The following MYDGF variants were observed in gnomAD, a reference collection of about 807,000 sequenced individuals.
MYDGF encodes the protein myeloid-derived growth factor.
MYDGF carries 29 observed loss-of-function variants against 24.2 expected under a neutral mutation model. The observed-to-expected ratio is 1.20, with a 90% CI of 0.89 to 1.63. The LOEUF (loss-of-function observed/expected upper bound fraction) is 1.63, where lower values mean the gene tolerates loss of function less well. MYDGF is among the 40% of genes most tolerant of loss of function. The pLI is 0.00. For missense variants in MYDGF, 245 were observed against 234.8 expected (o/e 1.04, Z -0.29); for synonymous variants, 105 against 102.5 (o/e 1.02, Z -0.15).
intron 3 of MYDGF, among the ~76,000 whole-genome samples, chr19:4,661,446 T>C (rs993721338): frequency 6.6e-6 from 1 of 152,158 alleles, no homozygotes; most frequent in African/African-American, 2.4e-5. Flanking sequence ...AGTAAAGGCT[T>C]CTCAGAGGGC....
rs764203687 is a variant in MYDGF, at chr19:4,659,927, G to C, written c.442+4C>G. ...ACCTCTACCCCATCCCCATCTTTCC[G>C]TACCTGCTGTTTTGGTCACTTCAAA... is the stretch of plus-strand genomic sequence containing the variant. On this transcript the variant is annotated splice_donor_region_variant and intron_variant, in intron 5 of 5. Coordinates refer to ENST00000262947, the MANE Select transcript of MYDGF (RefSeq NM_019107.4). 6.2e-7 allele frequency: 1 copy of C among 1,613,570 alleles called. No homozygotes were observed. The highest frequency in any genetic ancestry group is 8.5e-7 in the Non-Finnish European group (1 of 1,179,634).
At chr19:4,667,318 C>T (rs1228011902) in intron 2 of MYDGF, among the ~76,000 whole-genome samples, 3 of 152,026 alleles carry the variant, frequency 2.0e-5, no homozygotes, top group Admixed American at 1.3e-4. Context: ...TTAGTAGAGA[C>T]GGGGTTTCAC....
chr19:4,660,645 C>G, intron 4 of MYDGF, 24 bp downstream of exon 4: 1 of 1,605,986 alleles, frequency 6.2e-7, no homozygotes, highest in Non-Finnish European at 8.5e-7. Context: ...ACACCCGGAG[C>G]CTGCCCCACT....
intron 5 of MYDGF, 81 bp from the exon 6 acceptor site, chr19:4,658,165 TG>T (rs2088438074): frequency 2.3e-6 from 3 of 1,286,816 alleles, no homozygotes; most frequent in Non-Finnish European, 3.3e-6. Context: ...GGGCCCATGG[TG>T]GGGGCTAAGC....
intron 5 of MYDGF, 137 bp from the exon 6 acceptor site, chr19:4,658,221 C>A (rs1007330526): frequency 4.6e-6 from 3 of 657,252 alleles, no homozygotes; most frequent in Non-Finnish European, 7.7e-6. Context: ...TGTGAAAAGG[C>A]CCCAGGCACT....
Position 4,657,797 on chromosome 19 carries a change from T to C in MYDGF, c.*208A>G, listed in dbSNP as rs2088434154. ...GCAGGAAGTGGGAACTGAGAAGCTG[T>C]TGGGAGCCAGGAGGGCCCTGGACCC... On this transcript the variant is annotated 3_prime_UTR_variant, in exon 6 of 6. Coordinates refer to ENST00000262947, the MANE Select transcript of MYDGF (RefSeq NM_019107.4). 2.2e-6 allele frequency: 1 copy of C among 444,754 alleles called. No individual in the cohort carries two copies. Among genetic ancestry groups the C allele is most frequent in the East Asian group, 3.4e-5 (1 of 29,502 alleles). The allele number at this position is 444,754 out of a possible 1,614,324, so 27.6% of individuals were successfully genotyped here. A position where few individuals can be genotyped will look rare whatever the true frequency, so the allele number is the denominator to read the frequency against.
In MYDGF at chr19:4,664,879, C is replaced by A; in HGVS notation, c.284G>T (p.Trp95Leu). The A allele has an allele frequency of 6.2e-7, 1 of 1,612,710 alleles. No homozygotes were observed. Among genetic ancestry groups the A allele is most frequent in the South Asian group, 1.1e-5 (1 of 90,944 alleles). The change falls in exon 3 of 6, where the codon TGG becomes TTG. Residue 95 changes from tryptophan to leucine, a missense_variant. Trp to Leu is a moderately conservative substitution (Grantham distance 61). Coordinates refer to ENST00000262947, the MANE Select transcript of MYDGF (RefSeq NM_019107.4). ...EDHQHFTCTI[W>L]RPQGKSYLYF... The stretch of plus-strand genomic sequence containing the variant: ...CCATCCCCACCCCGAGTCTCACCTC[C>A]AGATGGTGCAGGTGAAGTGCTGGTG...
chr19:4,660,655 T>G lies in MYDGF; in HGVS notation c.369+14A>C, dbSNP rs756892518. ...AAGCCACACCCGGAGCCTGCCCCAC[T>G]CCAAGATACTCACGTAGGCCATGGC... On this transcript the variant is annotated intron_variant, in intron 4 of 5. Coordinates refer to ENST00000262947, the MANE Select transcript of MYDGF (RefSeq NM_019107.4). 23 of 1,612,460 alleles carry G rather than the reference T, an allele frequency of 1.4e-5. No individual in the cohort carries two copies. The highest frequency in any genetic ancestry group is 2.0e-5 in the Non-Finnish European group (23 of 1,178,640).
Position 4,657,994 on chromosome 19 carries a change from AG to A in MYDGF, c.*10del. ...GAGATGAGAAGGTGCCACCCGCAACAGGGCTGCTGGTCACAGCTCAGTGCGC... is the reference window on the plus strand; with the variant it reads ...GAGATGAGAAGGTGCCACCCGCAACAGGCTGCTGGTCACAGCTCAGTGCGC... On this transcript the variant is annotated 3_prime_UTR_variant, in exon 6 of 6. Coordinates refer to ENST00000262947, the MANE Select transcript of MYDGF (RefSeq NM_019107.4). 1 of 1,605,416 alleles carries A rather than the reference AG, an allele frequency of 6.2e-7. No individual in the cohort carries two copies. The highest frequency in any genetic ancestry group is 8.5e-7 in the Non-Finnish European group (1 of 1,176,956).
chr19:4,669,828 G>A (rs118117466), intron 1 of MYDGF, among the ~76,000 whole-genome samples: 3,339 of 152,132 alleles, frequency 0.022, 59 homozygotes, highest in Non-Finnish European at 0.036. Flanking sequence ...GCCTCCTGCC[G>A]CTCCCATCAC....
At chr19:4,670,108 C>T in intron 1 of MYDGF, 53 bp downstream of exon 1, 1 of 1,420,758 alleles carries the variant, frequency 7.0e-7, no homozygotes, top group Non-Finnish European at 9.2e-7. Context: ...TGCTCCGCGC[C>T]CCCTCCCCGG....
At chr19:4,663,794 A>G (rs1427541656) in intron 3 of MYDGF, among the ~76,000 whole-genome samples, 1 of 31,294 alleles carries the variant, frequency 3.2e-5, no homozygotes. Flanking sequence ...TCCTCATTCT[A>G]CACAGCCTCC....
Position 4,660,003 on chromosome 19 carries a change from A to G in MYDGF, c.370T>C (p.Ser124Pro). The change falls in exon 5 of 6, where the codon TCT (serine) becomes CCT (proline). Residue 124 changes from serine to proline, a missense_variant and splice_region_variant. Physicochemically the swap from Ser to Pro is moderately conservative, Grantham distance 74 (BLOSUM62 -1). Coordinates refer to ENST00000262947, the MANE Select transcript of MYDGF (RefSeq NM_019107.4). ...GAEIEYAMAY[S>P]KAAFERESDV... Reference sequence around the variant, plus strand: ...CTTTCCCTTTCAAATGCGGCTTTAGACTGAAAAAGAATGAGTGGAAACTTT... The same window carrying G: ...CTTTCCCTTTCAAATGCGGCTTTAGGCTGAAAAAGAATGAGTGGAAACTTT... 6.2e-7 allele frequency: 1 copy of G among 1,613,864 alleles called. No homozygotes were observed. Among genetic ancestry groups the G allele is most frequent in the Non-Finnish European group, 8.5e-7 (1 of 1,179,920 alleles).
At chr19:4,665,978 A>G (rs545087251) in intron 2 of MYDGF, among the ~76,000 whole-genome samples, 95 of 151,986 alleles carry the variant, frequency 6.3e-4, no homozygotes, top group African/African-American at 2.1e-3. Context: ...TGTGAAAACC[A>G]AGACTATTCC....
intron 3 of MYDGF, among the ~76,000 whole-genome samples, 158 bp downstream of exon 3, chr19:4,664,718 G>A (rs758141668): frequency 6.6e-6 from 1 of 151,696 alleles, no homozygotes; most frequent in Admixed American, 6.6e-5. Context: ...CCACCCCAGC[G>A]ACCCTGCCAC....
intron 3 of MYDGF, 115 bp downstream of exon 3, chr19:4,664,760 TG>T: frequency 8.6e-7 from 1 of 1,158,926 alleles, no homozygotes; most frequent in Non-Finnish European, 1.2e-6. Flanking sequence ...GTCTCCCTGC[TG>T]GTCTGTCTTC....
At chr19:4,659,563 T>G in intron 5 of MYDGF, 1 of 421,316 alleles carries the variant, frequency 2.4e-6, no homozygotes, top group Non-Finnish European at 4.2e-6. Context: ...GGTCTCGCTA[T>G]GTTGCCCAGG....
At chr19:4,663,413 GTGCC>G (rs2145185484) in intron 3 of MYDGF, among the ~76,000 whole-genome samples, 13 of 78,248 alleles carry the variant, frequency 1.7e-4, no homozygotes, top group African/African-American at 6.3e-4. Flanking sequence ...CCTCCAATCT[GTGCC>G]CTCTCCACCC....
intron 4 of MYDGF, 77 bp downstream of exon 4, chr19:4,660,592 C>T (rs1450838403): frequency 1.5e-6 from 2 of 1,371,192 alleles, no homozygotes; most frequent in Non-Finnish European, 2.1e-6. Context: ...ATGGAGCCCT[C>T]TTGTGGCAGG....
Sources: gnomAD v4.1 joint callset for allele counts (sites outside exome capture counted in the v4.1 genomes callset) on GRCh38, gnomAD v4.1.1 for gene constraint, MANE v1.5 for transcripts, NCBI Gene and HGNC (gene_info 2026-07-23, HGNC 2026-07-21) for gene names.